The following C4BPA variants were observed in gnomAD, a reference collection of about 807,000 sequenced individuals.
The protein encoded by C4BPA is C4b-binding protein alpha chain.
C4BPA carries 31 observed loss-of-function variants against 63.7 expected under a neutral mutation model. The observed-to-expected ratio is 0.49, with a 90% confidence interval of 0.37 to 0.66. The LOEUF (loss-of-function observed/expected upper bound fraction) is 0.66, where lower values mean the gene tolerates loss of function less well. Ranked by LOEUF, C4BPA falls within the 30% of genes least tolerant of loss-of-function variation. C4BPA has a pLI of 0.00. For missense variants in C4BPA, 572 were observed against 723.3 expected, an observed-to-expected ratio of 0.79 and a Z score of 2.40; for synonymous variants, 259 against 254.7, an observed-to-expected ratio of 1.02 and a Z score of -0.16.
intron 9 of C4BPA, among the ~76,000 whole-genome samples, chr1:207,139,204 T>C (rs965220198): frequency 6.6e-6 from 1 of 152,244 alleles, no homozygotes; most frequent in African/African-American, 2.4e-5. Context: ...GCCACATTAA[T>C]CTGCCCTAGC....
chr1:207,114,947 C>A (rs1684751534), intron 3 of C4BPA, among the ~76,000 whole-genome samples: 1 of 152,168 alleles, frequency 6.6e-6, no homozygotes, highest in Admixed American at 6.5e-5. Flanking sequence ...TTCAAAAGAA[C>A]CTCACTCAAA....
rs1405052442 is a variant in C4BPA at position 207,119,152 on chromosome 1, C to T, written c.428+3637C>T. Among the ~76,000 whole-genome samples the T allele has an allele frequency of 3.6e-5, 3 of 83,634 alleles. 1 individual carries two copies. Among genetic ancestry groups the T allele is most frequent in the Admixed American group, 1.3e-4 (1 of 7,676 alleles). The allele number at this position is 83,634 out of a possible 152,430, so 54.9% of individuals were successfully genotyped here. A position where few individuals can be genotyped will look rare whatever the true frequency, so the allele number is the denominator to read the frequency against. On this transcript the variant is annotated intron_variant, in intron 4 of 11. Coordinates refer to ENST00000367070, the MANE Select transcript of C4BPA (RefSeq NM_000715.4). ...ATGGGTATGTCCTGTAGAAGTTGTCCGTCACAGTGCTAATGTACTTGGATC... is the reference window on the plus strand; with the variant it reads ...ATGGGTATGTCCTGTAGAAGTTGTCTGTCACAGTGCTAATGTACTTGGATC...
At chr1:207,134,261 T>C in intron 8 of C4BPA, 143 bp from the exon 9 acceptor site, 1 of 615,812 alleles carries the variant, frequency 1.6e-6, no homozygotes, top group Non-Finnish European at 2.9e-6. Context: ...AAGAGCAGAC[T>C]TGGAGTGTCT....
chr1:207,131,394 T>C (rs1685155157), intron 7 of C4BPA, 152 bp from the exon 8 acceptor site: 1 of 593,368 alleles, frequency 1.7e-6, no homozygotes, highest in Non-Finnish European at 3.0e-6. Context: ...TGTCCATGTG[T>C]GTTTTCTGGT....
At position 207,124,544 on chromosome 1, in the gene C4BPA, G is replaced by C. The variant is rs550505033; in HGVS notation, c.706+178G>C. On this transcript the variant is annotated intron_variant, in intron 6 of 11. Coordinates refer to ENST00000367070, the MANE Select transcript of C4BPA (RefSeq NM_000715.4). Reference sequence around the variant, plus strand: ...TTGCATGTTTGTTTAGAATATAAAAGCCATAAAAATGGGAGTGGTGAACTG... The same window carrying C: ...TTGCATGTTTGTTTAGAATATAAAACCCATAAAAATGGGAGTGGTGAACTG... Among the ~76,000 whole-genome samples the C allele has an allele frequency of 1.4e-4, 22 of 152,248 alleles. No individual in the cohort carries two copies. In the South Asian group the frequency reaches 4.4e-3, roughly 30 times the overall value.
chr1:207,114,319 T>C (rs1478729547), intron 3 of C4BPA, 34 bp downstream of exon 3: 2 of 1,522,894 alleles, frequency 1.3e-6, no homozygotes, highest in African/African-American at 1.4e-5. Context: ...TCCTTTGCTT[T>C]TCCTATCTTT....
In C4BPA at chr1:207,124,172, C is replaced by G. The variant is rs1293109121; in HGVS notation, c.515-3C>G. Reference sequence around the variant, plus strand: ...TTTCTTTCTCTTCACTCACTTACCTCAGTTGTCAAGTGTAAGCCTCCTCCA... The same window carrying G: ...TTTCTTTCTCTTCACTCACTTACCTGAGTTGTCAAGTGTAAGCCTCCTCCA... On this transcript the variant is annotated splice_region_variant and splice_polypyrimidine_tract_variant and intron_variant, in intron 5 of 11. Transcript: ENST00000367070. The G allele has an allele frequency of 2.5e-6, 4 of 1,611,582 alleles. No individual in the cohort carries two copies. Among genetic ancestry groups the G allele is most frequent in the Non-Finnish European group, 2.5e-6 (3 of 1,177,966 alleles).
At chr1:207,113,288 G>A (rs1684708534) in intron 2 of C4BPA, 121 bp downstream of exon 2, 1 of 1,116,522 alleles carries the variant, frequency 9.0e-7, no homozygotes, top group African/African-American at 1.6e-5. Flanking sequence ...TCATCAACAA[G>A]TGGTTTATTT....
intron 4 of C4BPA, among the ~76,000 whole-genome samples, chr1:207,122,238 T>C (rs1324561916): frequency 1.3e-5 from 2 of 152,196 alleles, no homozygotes; most frequent in Non-Finnish European, 2.9e-5. Flanking sequence ...AATTATTCTT[T>C]GAGTTCTTGC....
intron 1 of C4BPA, among the ~76,000 whole-genome samples, chr1:207,109,461 C>G (rs1484268700): frequency 6.6e-6 from 1 of 152,198 alleles, no homozygotes; most frequent in Non-Finnish European, 1.5e-5. Flanking sequence ...TTACAGTTAT[C>G]CTTCTTATTT....
intron 1 of C4BPA, chr1:207,112,774 C>T (rs1382296847): frequency 9.0e-6 from 4 of 446,034 alleles, no homozygotes; most frequent in African/African-American, 8.3e-5. Context: ...CTGCAAAGCC[C>T]ACTCCCTCCC....
chr1:207,109,178 G>C (rs974655529), intron 1 of C4BPA, among the ~76,000 whole-genome samples: 2 of 152,178 alleles, frequency 1.3e-5, no homozygotes, highest in African/African-American at 4.8e-5. Context: ...TGTACCAAAG[G>C]CCACAGTGGA....
At position 207,114,100 on chromosome 1, in the gene C4BPA, G is replaced by A; in HGVS notation, c.143G>A (p.Gly48Asp). Reference protein sequence around the residue: ...LIAALLPAVLGNCGPPPTLSF... With the variant: ...LIAALLPAVLDNCGPPPTLSF... ...TGCTCCTTCTCATTTTGGTGTCCAGGCAATTGTGGTCCTCCACCCACTTTA... is the reference window on the plus strand; with the variant it reads ...TGCTCCTTCTCATTTTGGTGTCCAGACAATTGTGGTCCTCCACCCACTTTA... The change falls in exon 3 of 12, where the codon GGC becomes GAC. Residue 48 changes from glycine (G) to aspartate (D), a missense_variant and splice_region_variant. This residue lies in a region of C4BPA where 107 missense variants were observed against 93.9 expected (regional missense o/e 1.14). Coordinates refer to ENST00000367070, the MANE Select transcript of C4BPA (RefSeq NM_000715.4). 1.9e-6 allele frequency: 3 copies of A among 1,610,178 alleles called. No homozygotes were observed. The highest frequency in any genetic ancestry group is 2.5e-6 in the Non-Finnish European group (3 of 1,177,762).
chr1:207,143,347 C>T (rs1293037022), intron 10 of C4BPA, among the ~76,000 whole-genome samples: 2 of 137,174 alleles, frequency 1.5e-5, no homozygotes, highest in Admixed American at 7.4e-5. Context: ...GGGTGGGGGG[C>T]AAGGGGAGGG....
intron 11 of C4BPA, 44 bp downstream of exon 11, chr1:207,144,037 A>C: frequency 6.9e-7 from 1 of 1,449,628 alleles, no homozygotes; most frequent in Non-Finnish European, 9.3e-7. Context: ...TCGACCCCTA[A>C]AAATGGTGGC....
At chr1:207,119,862 T>C (rs1462452784) in intron 4 of C4BPA, among the ~76,000 whole-genome samples, 1 of 152,198 alleles carries the variant, frequency 6.6e-6, no homozygotes, top group African/African-American at 2.4e-5. Flanking sequence ...TTTCTGTTAC[T>C]TATTCCATAT....
chr1:207,120,662 G>A (rs17021100), intron 4 of C4BPA, among the ~76,000 whole-genome samples: 1 of 152,016 alleles, frequency 6.6e-6, no homozygotes, highest in East Asian at 1.9e-4. Context: ...GATTAACCAA[G>A]AATGTTACTT....
intron 1 of C4BPA, among the ~76,000 whole-genome samples, chr1:207,107,682 GT>G (rs35767366): frequency 1.3e-5 from 2 of 152,226 alleles, no homozygotes; most frequent in East Asian, 3.8e-4. Context: ...AACCATGAAT[GT>G]TTTTAAGCAG....
chr1:207,126,331 TAA>T (rs1489959756), intron 6 of C4BPA, among the ~76,000 whole-genome samples: 1 of 148,022 alleles, frequency 6.8e-6, no homozygotes, highest in Admixed American at 6.8e-5. Flanking sequence ...ATATATTCTA[TAA>T]GACTATATTA....
Sources: allele counts gnomAD v4.1 joint callset (sites outside exome capture counted in the v4.1 genomes callset), GRCh38; gene constraint gnomAD v4.1.1; regional missense constraint gnomAD v4.1.1; transcripts MANE v1.5; gene names NCBI Gene and HGNC (gene_info 2026-07-23, HGNC 2026-07-21).